The following KLHL29 variants were observed in gnomAD, a reference collection of about 807,000 sequenced individuals.
KLHL29 encodes the protein kelch-like protein 29.
KLHL29 carries 21 observed loss-of-function variants against 80.4 expected under a neutral mutation model. The observed-to-expected ratio is 0.26, with a 90% CI of 0.19 to 0.38. KLHL29 has a LOEUF of 0.38. KLHL29 is among the 10% of genes least tolerant of loss of function. The pLI is 1.00. For missense variants in KLHL29, 867 were observed against 1,223.9 expected (o/e 0.71, Z 4.35); for synonymous variants, 511 against 526.8 (o/e 0.97, Z 0.41).
intron 2 of KLHL29, among the ~76,000 whole-genome samples, chr2:23,478,596 G>A (rs543336402): frequency 6.6e-6 from 1 of 152,142 alleles, no homozygotes; most frequent in African/African-American, 2.4e-5. Context: ...AAAGAGGGGT[G>A]GGGGGAGTTG....
At chr2:23,397,990 A>T (rs1024460349) in intron 1 of KLHL29, among the ~76,000 whole-genome samples, 1 of 152,046 alleles carries the variant, frequency 6.6e-6, no homozygotes, top group African/African-American at 2.4e-5. Context: ...AGAAACTGCA[A>T]CCCTTATGCA....
chr2:23,606,148 G>A (rs1359665220), intron 3 of KLHL29, among the ~76,000 whole-genome samples: 1 of 145,340 alleles, frequency 6.9e-6, no homozygotes, highest in Non-Finnish European at 1.5e-5. Flanking sequence ...TAGTGTGTGT[G>A]TGTGTGTATG....
chr2:23,420,227 G>A (rs1205503703), intron 1 of KLHL29, among the ~76,000 whole-genome samples: 1 of 152,128 alleles, frequency 6.6e-6, no homozygotes, highest in Non-Finnish European at 1.5e-5. Flanking sequence ...AGCCATTTCA[G>A]AGCTGTCTAC....
intron 3 of KLHL29, among the ~76,000 whole-genome samples, chr2:23,602,031 A>G (rs1372844519): frequency 6.6e-6 from 1 of 152,130 alleles, no homozygotes; most frequent in African/African-American, 2.4e-5. Context: ...TCCAGTGGCT[A>G]TGGCAGTCAC....
chr2:23,696,538 G>A lies in KLHL29; in HGVS notation c.2105+25G>A, dbSNP rs912469462. 2 of 1,478,764 alleles carry A rather than the reference G, an allele frequency of 1.4e-6. No homozygotes were observed. The highest frequency in any genetic ancestry group is 1.8e-6 in the Non-Finnish European group (2 of 1,110,954). The allele number at this position is 1,478,764 out of a possible 1,614,324, so 91.6% of individuals were successfully genotyped here. On this transcript the variant is annotated intron_variant, in intron 11 of 13. Transcript: ENST00000486442. This position sits in a 1 kb window ranked among gnomAD's most constrained non-coding sequence, Gnocchi z 5.5. ...GGTAATGAGGCCACGGTCAGGACAG[G>A]GGCATGCTCTTTGCTCACCAAGAAC...
chr2:23,482,953 G>A (rs1664840661), intron 2 of KLHL29, among the ~76,000 whole-genome samples: 1 of 152,208 alleles, frequency 6.6e-6, no homozygotes, highest in South Asian at 2.1e-4. Flanking sequence ...CCTGCAAGGA[G>A]CTCTCAGTCC....
chr2:23,461,470 A>G (rs146425837), intron 1 of KLHL29, among the ~76,000 whole-genome samples: 60 of 152,310 alleles, frequency 3.9e-4, no homozygotes, highest in African/African-American at 1.4e-3. Context: ...CTTTGAGGTA[A>G]CCACTTCTTG....
intron 2 of KLHL29, among the ~76,000 whole-genome samples, chr2:23,544,149 A>G (rs543667600): frequency 4.2e-4 from 64 of 152,276 alleles, no homozygotes; most frequent in Admixed American, 1.5e-3. Context: ...GGAGGGAAGA[A>G]CAGGCCTGAG....
chr2:23,590,753 G>A (rs1019229045), intron 3 of KLHL29, among the ~76,000 whole-genome samples: 6 of 152,190 alleles, frequency 3.9e-5, no homozygotes, highest in African/African-American at 1.4e-4. Context: ...CAGGACCCAA[G>A]CAAGGCAGGG....
chr2:23,507,457 C>G (rs1378990720), intron 2 of KLHL29, among the ~76,000 whole-genome samples: 1 of 152,238 alleles, frequency 6.6e-6, no homozygotes, highest in Non-Finnish European at 1.5e-5. Flanking sequence ...GTCCTTCCCT[C>G]TCCTGCTGCC....
rs1672501199 is a variant in KLHL29, at chr2:23,703,182, G to A, written c.2106-4G>A. ...CCCTGGGCTCTTTTTCTCCTCTCCT[G>A]CAGGTACGACACCATCACCAACCAA... On this transcript the variant is annotated splice_region_variant and splice_polypyrimidine_tract_variant and intron_variant, in intron 11 of 13. Coordinates refer to ENST00000486442, the MANE Select transcript of KLHL29 (RefSeq NM_052920.2). The A allele has an allele frequency of 1.4e-6, 2 of 1,425,288 alleles. No individual in the cohort carries two copies. The highest frequency in any genetic ancestry group is 5.5e-5 in the East Asian group (2 of 36,108). 88.3% of individuals were successfully genotyped at this position (1,425,288 alleles called of 1,614,324 possible). A position where few individuals can be genotyped will look rare whatever the true frequency, so the allele number is the denominator to read the frequency against.
At chr2:23,523,862 T>G in intron 2 of KLHL29, 1 of 366,218 alleles carries the variant, frequency 2.7e-6, no homozygotes, top group South Asian at 2.2e-5. Flanking sequence ...TTCCAAGTGA[T>G]TATTTGCTGT....
chr2:23,567,617 G>A (rs1049762514), intron 3 of KLHL29, among the ~76,000 whole-genome samples: 1 of 152,196 alleles, frequency 6.6e-6, no homozygotes, highest in Non-Finnish European at 1.5e-5. Flanking sequence ...AGATGATCTG[G>A]GATTTCCGTG....
intron 5 of KLHL29, among the ~76,000 whole-genome samples, chr2:23,658,664 G>A (rs1214027489): frequency 6.6e-6 from 1 of 152,186 alleles, no homozygotes; most frequent in East Asian, 1.9e-4. Flanking sequence ...GCTGCCAAGA[G>A]GCCTTCCGGT....
chr2:23,695,696 A>G lies in KLHL29; in HGVS notation c.1616A>G (p.Asn539Ser). The change falls in exon 9 of 14, where the codon AAT (asparagine) becomes AGT (serine). Residue 539 changes from asparagine (N) to serine (S), a missense_variant. Physicochemically the swap from Asn to Ser is conservative, Grantham distance 46. Coordinates refer to ENST00000486442, the MANE Select transcript of KLHL29 (RefSeq NM_052920.2). The surrounding 1 kb of genome is among the most constrained non-coding windows in gnomAD (Gnocchi z 7.6). ...HPSYLLNVVDNEELIKSSEAC... is the reference protein window; with the variant it reads ...HPSYLLNVVDSEELIKSSEAC... The stretch of plus-strand genomic sequence containing the variant: ...AGCTACCTGCTCAATGTGGTTGACA[A>G]TGAAGAGCTGATCAAGTCATCAGAA... 1.3e-6 allele frequency: 2 copies of G among 1,551,636 alleles called. No individual in the cohort carries two copies. The highest frequency in any genetic ancestry group is 8.7e-7 in the Non-Finnish European group (1 of 1,146,972).
At chr2:23,565,574 A>G (rs1667570541) in intron 3 of KLHL29, among the ~76,000 whole-genome samples, 1 of 151,610 alleles carries the variant, frequency 6.6e-6, no homozygotes, top group South Asian at 2.1e-4. Context: ...CCAGGTGACC[A>G]AGGGAAGGGA....
rs1271043416 is a variant in KLHL29 at position 23,691,723 on chromosome 2, C to T, written c.1129C>T (p.Leu377=). The stretch of plus-strand genomic sequence containing the variant: ...CGGCCGGGAGAAGCTGGAGCTCGTC[C>T]TGTCGAACCTGCAGGCAGACGTCCT... The part of the protein sequence containing the change: ...QGGREKLELV[L]SNLQADVLEL... The change falls in exon 7 of 14, where the codon CTG becomes TTG. Residue 377 remains leucine, a synonymous_variant. Coordinates refer to ENST00000486442, the MANE Select transcript of KLHL29 (RefSeq NM_052920.2). 6.4e-7 allele frequency: 1 copy of T among 1,551,812 alleles called. No individual in the cohort carries two copies. Among genetic ancestry groups the T allele is most frequent in the Admixed American group, 2.0e-5 (1 of 51,012 alleles).
At chr2:23,470,201 C>T (rs368132268) in intron 1 of KLHL29, among the ~76,000 whole-genome samples, 7 of 152,118 alleles carry the variant, frequency 4.6e-5, no homozygotes, top group African/African-American at 1.7e-4. Flanking sequence ...AGGAGATGGG[C>T]CCTTTGGTGC....
At chr2:23,540,467 T>C (rs1034566051) in intron 2 of KLHL29, among the ~76,000 whole-genome samples, 4 of 152,214 alleles carry the variant, frequency 2.6e-5, no homozygotes, top group Non-Finnish European at 4.4e-5. Flanking sequence ...CCTTTCCTCT[T>C]GAGCATCTTT....
Sources: allele counts gnomAD v4.1 joint callset (sites outside exome capture counted in the v4.1 genomes callset), GRCh38; gene constraint gnomAD v4.1.1; non-coding constraint Gnocchi (gnomAD v3.1); transcripts MANE v1.5; gene names NCBI Gene and HGNC (gene_info 2026-07-23, HGNC 2026-07-21).